ATP6V1H: variants seen among roughly 807,000 people sequenced by gnomAD.
ATP6V1H encodes ATPase H+ transporting V1 subunit H.
In ATP6V1H, 39 loss-of-function variants were observed where a neutral mutation model predicts 71.7. The observed-to-expected ratio is 0.54, with a 90% CI of 0.42 to 0.71. The LOEUF (loss-of-function observed/expected upper bound fraction) is 0.71. Among genes scored for constraint, ATP6V1H ranks in the 30% least tolerant of loss-of-function variants. The pLI, the probability that ATP6V1H is intolerant of heterozygous loss-of-function variation, is 0.00. For missense variants in ATP6V1H, 509 were observed against 594.9 expected, an observed-to-expected ratio of 0.86 and a Z score of 1.50; for synonymous variants, 192 against 199.3, an observed-to-expected ratio of 0.96 and a Z score of 0.31.
At chr8:53,758,843 C>T (rs1277310209) in intron 11 of ATP6V1H, among the ~76,000 whole-genome samples, 1 of 152,252 alleles carries the variant, frequency 6.6e-6, no homozygotes, top group East Asian at 1.9e-4. Context: ...GTGTCCATAG[C>T]TGGCACTGCA....
At chr8:53,801,315 T>C (rs1409383301) in intron 8 of ATP6V1H, among the ~76,000 whole-genome samples, 2 of 152,230 alleles carry the variant, frequency 1.3e-5, no homozygotes, top group Non-Finnish European at 2.9e-5. Flanking sequence ...GATTTTCTGA[T>C]GGTAAAACAA....
chr8:53,727,756 C>T (rs556171121), intron 13 of ATP6V1H, among the ~76,000 whole-genome samples: 3 of 152,272 alleles, frequency 2.0e-5, no homozygotes, highest in Admixed American at 2.0e-4. Flanking sequence ...TTTTGAATTT[C>T]TCCTTGGCTA....
At chr8:53,775,126 C>G (rs559322188) in intron 9 of ATP6V1H, among the ~76,000 whole-genome samples, 101 of 152,230 alleles carry the variant, frequency 6.6e-4, no homozygotes, top group Admixed American at 1.9e-3. Context: ...CATGGTCTCG[C>G]TAGCTCAGGA....
intron 13 of ATP6V1H, among the ~76,000 whole-genome samples, chr8:53,734,102 C>G (rs1807118246): frequency 6.6e-6 from 1 of 152,214 alleles, no homozygotes; most frequent in Non-Finnish European, 1.5e-5. Context: ...GCTGTGGTGA[C>G]TTTAATGAAT....
intron 13 of ATP6V1H, among the ~76,000 whole-genome samples, chr8:53,736,801 T>G (rs1365584903): frequency 6.6e-6 from 1 of 152,144 alleles, no homozygotes; most frequent in Admixed American, 6.5e-5. Flanking sequence ...TCTCTTATTG[T>G]CTCATACCTC....
chr8:53,752,188 GA>G lies in ATP6V1H; in HGVS notation c.1277+4366del, dbSNP rs533412465. On this transcript the variant is annotated intron_variant, in intron 12 of 13. Transcript: ENST00000359530. ...TTAAAGTTTTATTTTTATTCATAAG[GA>G]AAAAAAATTAATGAGGGCTATGGTA... 9.2e-5 allele frequency among the ~76,000 whole-genome samples: 14 copies of G among 151,932 alleles called. No individual in the cohort carries two copies. In the South Asian group the frequency reaches 1.7e-3, roughly 18 times the overall value.
chr8:53,758,937 C>T (rs751284349), intron 11 of ATP6V1H, among the ~76,000 whole-genome samples: 68 of 152,210 alleles, frequency 4.5e-4, no homozygotes, highest in African/African-American at 1.4e-3. Flanking sequence ...TCCCAAATCA[C>T]GTTGCCAATC....
intron 10 of ATP6V1H, among the ~76,000 whole-genome samples, chr8:53,771,369 AC>A (rs1808643137): frequency 6.6e-6 from 1 of 152,198 alleles, no homozygotes; most frequent in East Asian, 1.9e-4. Context: ...GATATTATGT[AC>A]GAAACAGAAA....
intron 11 of ATP6V1H, 88 bp from the exon 12 acceptor site, chr8:53,756,744 G>T (rs1808083022): frequency 2.6e-6 from 2 of 762,934 alleles, no homozygotes; most frequent in African/African-American, 3.5e-5. Flanking sequence ...ATATCTTCCT[G>T]AAAATAGACA....
chr8:53,753,857 T>C (rs1807893232), intron 12 of ATP6V1H, among the ~76,000 whole-genome samples: 1 of 152,244 alleles, frequency 6.6e-6, no homozygotes. Context: ...TCTTAGTTTT[T>C]ACCCTACTTG....
chr8:53,730,407 G>A (rs1806977626), intron 13 of ATP6V1H, among the ~76,000 whole-genome samples: 1 of 152,152 alleles, frequency 6.6e-6, no homozygotes, highest in Non-Finnish European at 1.5e-5. Context: ...TCTTCTAGTG[G>A]CTAACTTGTT....
In ATP6V1H at chr8:53,715,910, A is replaced by G. The variant is rs549498305; in HGVS notation, c.*54T>C. 1 of 1,501,930 alleles carries G rather than the reference A, an allele frequency of 6.7e-7. No homozygotes were observed. The highest frequency in any genetic ancestry group is 1.2e-5 in the South Asian group (1 of 83,518). The allele number at this position is 1,501,930 out of a possible 1,614,324, so 93.0% of individuals were successfully genotyped here. On this transcript the variant is annotated 3_prime_UTR_variant, in exon 14 of 14. Transcript: ENST00000359530. The stretch of plus-strand genomic sequence containing the variant: ...AGTGTTCACTCTTAACTCTAAACAC[A>G]GTGCTCCCACTACTGGTTCTGCATT...
intron 11 of ATP6V1H, among the ~76,000 whole-genome samples, chr8:53,769,241 G>A (rs1484951003): frequency 6.6e-6 from 1 of 152,124 alleles, no homozygotes; most frequent in African/African-American, 2.4e-5. Flanking sequence ...TAGCCATACA[G>A]GGAAAGACTG....
At chr8:53,827,791 T>C (rs763104551) in intron 4 of ATP6V1H, among the ~76,000 whole-genome samples, 5 of 152,104 alleles carry the variant, frequency 3.3e-5, no homozygotes, top group Non-Finnish European at 7.4e-5. Context: ...GACCCCAGCT[T>C]CTGCAGTTCC....
intron 13 of ATP6V1H, among the ~76,000 whole-genome samples, chr8:53,729,068 G>A (rs980572778): frequency 1.3e-5 from 2 of 152,114 alleles, no homozygotes; most frequent in African/African-American, 2.4e-5. Flanking sequence ...GCTGATGACC[G>A]ACAGCTGGAG....
intron 7 of ATP6V1H, among the ~76,000 whole-genome samples, chr8:53,803,060 G>C (rs1264296184): frequency 6.6e-6 from 1 of 152,110 alleles, no homozygotes; most frequent in Non-Finnish European, 1.5e-5. Flanking sequence ...AAGGAGGCTG[G>C]GTGCGGTGGC....
At chr8:53,804,545 G>A (rs1810017523) in intron 7 of ATP6V1H, among the ~76,000 whole-genome samples, 1 of 152,138 alleles carries the variant, frequency 6.6e-6, no homozygotes, top group Admixed American at 6.5e-5. Context: ...CAGGTGGCAT[G>A]CACCTGTAGT....
intron 11 of ATP6V1H, 62 bp downstream of exon 11, chr8:53,769,556 G>A (rs369219111): frequency 4.7e-6 from 7 of 1,474,322 alleles, no homozygotes; most frequent in Admixed American, 4.4e-5. Context: ...TGACAAAAAC[G>A]AGTGTTGGTG....
At chr8:53,794,933 G>A (rs995555428) in intron 9 of ATP6V1H, among the ~76,000 whole-genome samples, 1 of 152,172 alleles carries the variant, frequency 6.6e-6, no homozygotes, top group African/African-American at 2.4e-5. Context: ...CACTATATGG[G>A]ACATGTCCAC....
Sources: allele counts gnomAD v4.1 joint callset (sites outside exome capture counted in the v4.1 genomes callset), GRCh38; gene constraint gnomAD v4.1.1; transcripts MANE v1.5; gene names NCBI Gene and HGNC (gene_info 2026-07-23, HGNC 2026-07-21).